KIF13A: variants seen among roughly 807,000 people sequenced by gnomAD.
The protein encoded by KIF13A is kinesin-like protein KIF13A.
Under a neutral mutation model 212.2 loss-of-function variants are expected in KIF13A, and 79 were observed. The observed-to-expected ratio is 0.37, with a 90% CI of 0.31 to 0.45. KIF13A has a LOEUF of 0.45. KIF13A is among the 20% of genes least tolerant of loss of function. The pLI, the probability that KIF13A is intolerant of heterozygous loss-of-function variation, is 1.00. For missense variants in KIF13A, 1,901 were observed against 2,209.0 expected (o/e 0.86, Z 2.79); for synonymous variants, 789 against 808.6 (o/e 0.98, Z 0.41).
In KIF13A at chr6:17,794,342, T is replaced by C. The variant is rs1242589708; in HGVS notation, c.3129A>G (p.Thr1043=). The change falls in exon 25 of 39, where the codon ACA becomes ACG. Residue 1043 remains threonine, a synonymous_variant. Coordinates refer to ENST00000259711, the MANE Select transcript of KIF13A (RefSeq NM_022113.6). This position sits in a 1 kb window ranked among gnomAD's most constrained non-coding sequence, Gnocchi z 4.1. ...VTVKPVQHSG[T]LPLMVEAILS... is the part of the protein sequence containing the mutation. ...GGATGGCTTCAACCATAAGTGGCAGTGTCCCTGAATGCTGCACAGGTTTCA... is the reference window on the plus strand; with the variant it reads ...GGATGGCTTCAACCATAAGTGGCAGCGTCCCTGAATGCTGCACAGGTTTCA... 2.5e-6 allele frequency: 4 copies of C among 1,613,308 alleles called. No individual in the cohort carries two copies. The highest frequency in any genetic ancestry group is 1.3e-5 in the African/African-American group (1 of 74,894).
intron 4 of KIF13A, among the ~76,000 whole-genome samples, chr6:17,859,461 C>CA (rs1471048354): frequency 6.7e-6 from 1 of 149,580 alleles, no homozygotes; most frequent in East Asian, 2.0e-4. Context: ...AAAAAAAAAC[C>CA]AAAAAAACAA....
intron 2 of KIF13A, among the ~76,000 whole-genome samples, chr6:17,944,731 T>C (rs951798523): frequency 6.6e-6 from 1 of 152,182 alleles, no homozygotes; most frequent in African/African-American, 2.4e-5. Flanking sequence ...ATAAAATATA[T>C]AACCCATTAT....
Position 17,769,514 on chromosome 6 carries a change from C to A in KIF13A, c.4581+1600G>T, listed in dbSNP as rs1475879148. Among the ~76,000 whole-genome samples, 3 of 151,958 alleles carry A rather than the reference C, an allele frequency of 2.0e-5. No homozygotes were observed. The highest frequency in any genetic ancestry group is 4.4e-5 in the Non-Finnish European group (3 of 68,018). On this transcript the variant is annotated intron_variant, in intron 38 of 38. Transcript: ENST00000259711. The surrounding 1 kb of genome is among the most constrained non-coding windows in gnomAD (Gnocchi z 5.8). ...ATCCTTCTCTCTGCTAGCTGAAAGC[C>A]CCGAGATGGGTTTTATTTTAAAATA... is the stretch of plus-strand genomic sequence containing the variant.
chr6:17,914,813 A>G lies in KIF13A; in HGVS notation c.147-16633T>C, dbSNP rs563879781. On this transcript the variant is annotated intron_variant, in intron 2 of 38. Coordinates refer to ENST00000259711, the MANE Select transcript of KIF13A (RefSeq NM_022113.6). The surrounding 1 kb of genome is among the most constrained non-coding windows in gnomAD (Gnocchi z 5.9). ...TTAACCAAAACAAAATTAAGCAGAG[A>G]AAACATGGCTCTTGTGCAATTCTCT... Among the ~76,000 whole-genome samples, 55 of 152,360 alleles carry G rather than the reference A, an allele frequency of 3.6e-4. No homozygotes were observed. The highest frequency in any genetic ancestry group is 1.3e-3 in the African/African-American group (53 of 41,592).
At chr6:17,802,099 C>T (rs116123990) in intron 20 of KIF13A, among the ~76,000 whole-genome samples, 366 of 152,236 alleles carry the variant, frequency 2.4e-3, no homozygotes, top group African/African-American at 8.5e-3. Context: ...TCTGGTAGTA[C>T]TGCTATCATC....
At chr6:17,779,249 ATATATATATTTTTTTTTTTTTTTTTT>A in intron 32 of KIF13A, 150 bp from the exon 33 acceptor site, 2 of 22,424 alleles carry the variant, frequency 8.9e-5, no homozygotes, top group South Asian at 4.3e-3. Context: ...ATATATATAT[ATATATATATTTTTTTTTTTTTTTTTT>A]TTTTTTTTTT....
At chr6:17,833,083 A>C (rs1021480093) in intron 12 of KIF13A, among the ~76,000 whole-genome samples, 2 of 151,794 alleles carry the variant, frequency 1.3e-5, no homozygotes, top group Non-Finnish European at 2.9e-5. Flanking sequence ...AGAGCAGGAA[A>C]TATGAATGAC....
intron 2 of KIF13A, among the ~76,000 whole-genome samples, chr6:17,979,449 G>T (rs1230863872): frequency 6.6e-6 from 1 of 152,130 alleles, no homozygotes; most frequent in Non-Finnish European, 1.5e-5. Flanking sequence ...CAATAGAAAA[G>T]GGATTTGACA....
At chr6:17,873,590 A>C (rs933989987) in intron 3 of KIF13A, 153 bp from the exon 4 acceptor site, 3 of 613,410 alleles carry the variant, frequency 4.9e-6, no homozygotes, top group Non-Finnish European at 8.4e-6. Flanking sequence ...GTTAACCATA[A>C]AATTTCTTAT....
chr6:17,879,035 G>A (rs1770820871), intron 3 of KIF13A, among the ~76,000 whole-genome samples: 1 of 152,208 alleles, frequency 6.6e-6, no homozygotes, highest in African/African-American at 2.4e-5. Context: ...GAAGAAAGCT[G>A]AAGTCCAGAA....
At chr6:17,911,664 G>A (rs1210862638) in intron 2 of KIF13A, among the ~76,000 whole-genome samples, 1 of 148,694 alleles carries the variant, frequency 6.7e-6, no homozygotes, top group African/African-American at 2.5e-5. Flanking sequence ...AGGGTTATGG[G>A]CCGGGGGTTG....
In KIF13A at chr6:17,785,540, C is replaced by T; in HGVS notation, c.3463G>A (p.Gly1155Arg). The T allele has an allele frequency of 1.3e-6, 2 of 1,589,512 alleles. No homozygotes were observed. The highest frequency in any genetic ancestry group is 1.7e-6 in the Non-Finnish European group (2 of 1,169,392). ...NAVLVPAPGS[G>R]IPGAPADWIP... is the part of the protein sequence containing the mutation. ...CAGTCGGCAGGTGCCCCAGGAATCC[C>T]ACTGCCTGGGGCTGGCACCAGCACA... is the stretch of plus-strand genomic sequence containing the variant. The change falls in exon 28 of 39, where the codon GGG becomes AGG. Residue 1155 changes from glycine to arginine, a missense_variant. By Grantham distance (125) the Gly-to-Arg change is moderately radical. Coordinates refer to ENST00000259711, the MANE Select transcript of KIF13A (RefSeq NM_022113.6). This position sits in a 1 kb window ranked among gnomAD's most constrained non-coding sequence, Gnocchi z 5.8.
intron 17 of KIF13A, chr6:17,815,566 T>C: frequency 2.4e-6 from 1 of 422,590 alleles, no homozygotes. Context: ...GGCTTACACT[T>C]GTCTTCTGGT....
At chr6:17,863,064 T>G (rs1205293941) in intron 4 of KIF13A, among the ~76,000 whole-genome samples, 3 of 152,230 alleles carry the variant, frequency 2.0e-5, no homozygotes, top group African/African-American at 7.2e-5. Context: ...GCCACTGCAC[T>G]CCAGCCTGAA....
At chr6:17,805,678 T>C (rs1762877979) in intron 18 of KIF13A, 63 bp from the exon 19 acceptor site, 4 of 1,447,212 alleles carry the variant, frequency 2.8e-6, no homozygotes, top group Non-Finnish European at 3.8e-6. Flanking sequence ...GCTAAAGCAA[T>C]ATATATACAA....
At chr6:17,870,929 G>T (rs1171402629) in intron 4 of KIF13A, among the ~76,000 whole-genome samples, 1 of 152,094 alleles carries the variant, frequency 6.6e-6, no homozygotes, top group Non-Finnish European at 1.5e-5. Flanking sequence ...CAACCACATA[G>T]CATAGGTATT....
chr6:17,937,739 C>CTTTTTT (rs1487188222), intron 2 of KIF13A, among the ~76,000 whole-genome samples: 2 of 128,428 alleles, frequency 1.6e-5, no homozygotes, highest in African/African-American at 2.8e-5. Context: ...AATTTCTTTC[C>CTTTTTT]TTTTTTGTTT....
In KIF13A at chr6:17,826,463, G is replaced by A. The variant is rs796586733; in HGVS notation, c.1533-339C>T. ...TTTAGGAAATACAGAGAACAATGGA[G>A]GATGTGAAATGATGCCATGGGATGC... On this transcript the variant is annotated intron_variant, in intron 14 of 38. Coordinates refer to ENST00000259711, the MANE Select transcript of KIF13A (RefSeq NM_022113.6). The surrounding 1 kb of genome is among the most constrained non-coding windows in gnomAD (Gnocchi z 4.7). Among the ~76,000 whole-genome samples the A allele has an allele frequency of 6.6e-6, 1 of 152,182 alleles. No individual in the cohort carries two copies. The highest frequency in any genetic ancestry group is 1.5e-5 in the Non-Finnish European group (1 of 68,038).
At position 17,982,784 on chromosome 6, in the gene KIF13A, C is replaced by T. The variant is rs758525824; in HGVS notation, c.146+4270G>A. On this transcript the variant is annotated intron_variant, in intron 2 of 38. Coordinates refer to ENST00000259711, the MANE Select transcript of KIF13A (RefSeq NM_022113.6). The surrounding 1 kb of genome is among the most constrained non-coding windows in gnomAD (Gnocchi z 5.1). ...TCCTAAAAGTCACGGGGATCAGACCCGTAAGCCAACCACCTATATTTTAAA... is the reference window on the plus strand; with the variant it reads ...TCCTAAAAGTCACGGGGATCAGACCTGTAAGCCAACCACCTATATTTTAAA... Among the ~76,000 whole-genome samples, 1 of 152,174 alleles carries T rather than the reference C, an allele frequency of 6.6e-6. No homozygotes were observed. Among genetic ancestry groups the T allele is most frequent in the Non-Finnish European group, 1.5e-5 (1 of 68,026 alleles).
Sources: gnomAD v4.1 joint callset for allele counts (sites outside exome capture counted in the v4.1 genomes callset) on GRCh38, gnomAD v4.1.1 for gene constraint, Gnocchi (gnomAD v3.1) non-coding constraint, MANE v1.5 for transcripts, NCBI Gene and HGNC (gene_info 2026-07-23, HGNC 2026-07-21) for gene names.